ADGB: variants seen among roughly 807,000 people sequenced by gnomAD.
ADGB encodes the protein calpain-7-like protein.
Under a neutral mutation model 210.5 loss-of-function variants are expected in ADGB, and 172 were observed. The ratio of observed to expected loss-of-function variants is 0.82; its 90% CI spans 0.72 to 0.93. ADGB has a LOEUF of 0.93. Among genes scored for constraint, ADGB ranks in the 40% least tolerant of loss-of-function variants. The probability of loss-of-function intolerance (pLI) is 0.00; values close to 1 mark genes in which losing one functional copy is unlikely to be tolerated. For synonymous variants in ADGB, 658 were observed against 662.7 expected (o/e 0.99, Z 0.11); for missense variants, 2,025 against 1,964.8 (o/e 1.03, Z -0.58).
chr6:146,728,676 G>A lies in ADGB; in HGVS notation c.2455G>A (p.Asp819Asn). ...GGGTAAACTCTCTGCAGCTTTGAAG[G>A]ATCTGCAAACAGCTCACTACCCTGT... ...DKGKLSAALK[D>N]LQTAHYPVPF... Residue 819 changes from aspartate (D) to asparagine (N), a missense_variant, in exon 20 of 36, where the codon GAT (aspartate) becomes AAT (asparagine). Asp to Asn is a conservative substitution (Grantham distance 23, BLOSUM62 1). Transcript: ENST00000397944. 2 of 1,551,552 alleles carry A rather than the reference G, an allele frequency of 1.3e-6. No homozygotes were observed. Among genetic ancestry groups the A allele is most frequent in the Admixed American group, 2.0e-5 (1 of 51,006 alleles).
intron 27 of ADGB, among the ~76,000 whole-genome samples, chr6:146,758,826 G>A (rs1777447137): frequency 6.6e-6 from 1 of 151,876 alleles, no homozygotes; most frequent in Admixed American, 6.6e-5. Context: ...TGCATGCAAG[G>A]AAAGGCTATT....
At chr6:146,615,357 T>C (rs1296114897) in intron 1 of ADGB, among the ~76,000 whole-genome samples, 1 of 152,118 alleles carries the variant, frequency 6.6e-6, no homozygotes, top group Non-Finnish European at 1.5e-5. Context: ...GGGAATCACA[T>C]TTCAACATGA....
In ADGB at chr6:146,614,125, A is replaced by T. The variant is rs180811847; in HGVS notation, c.74+15011A>T. Among the ~76,000 whole-genome samples, 356 of 152,168 alleles carry T rather than the reference A, an allele frequency of 2.3e-3. 1 individual carries two copies. The highest frequency in any genetic ancestry group is 7.8e-3 in the African/African-American group (325 of 41,524). Reference sequence around the variant, plus strand: ...GTAACAGATATTACCGCTATCATGAAGTGATGTTTGTAATTTCCTGAAGTT... The same window carrying T: ...GTAACAGATATTACCGCTATCATGATGTGATGTTTGTAATTTCCTGAAGTT... On this transcript the variant is annotated intron_variant, in intron 1 of 35. Transcript: ENST00000397944.
chr6:146,631,963 TAAA>T (rs60684925), intron 1 of ADGB, among the ~76,000 whole-genome samples: 1 of 143,048 alleles, frequency 7.0e-6, no homozygotes. Flanking sequence ...ATCTCCTCAT[TAAA>T]AAAAAAAAAA....
At chr6:146,787,458 G>C (rs1284400311) in intron 32 of ADGB, among the ~76,000 whole-genome samples, 2 of 152,142 alleles carry the variant, frequency 1.3e-5, no homozygotes, top group African/African-American at 4.8e-5. Context: ...GCCTGGAATA[G>C]TAAGCTTCAT....
chr6:146,608,596 G>T (rs1373001147), intron 1 of ADGB, among the ~76,000 whole-genome samples: 1 of 152,120 alleles, frequency 6.6e-6, no homozygotes, highest in Non-Finnish European at 1.5e-5. Context: ...TAGTTTCAAA[G>T]AATTTCTTGG....
At chr6:146,804,326 G>A (rs147715899) in intron 35 of ADGB, among the ~76,000 whole-genome samples, 128 of 152,012 alleles carry the variant, frequency 8.4e-4, no homozygotes, top group African/African-American at 3.1e-3. Context: ...TAAATATTTT[G>A]GCTACAGTGA....
At chr6:146,745,361 G>T (rs1413180616) in intron 25 of ADGB, among the ~76,000 whole-genome samples, 2 of 152,122 alleles carry the variant, frequency 1.3e-5, no homozygotes, top group Non-Finnish European at 2.9e-5. Context: ...CCATCATAAA[G>T]TAAGCCATTC....
At chr6:146,651,619 T>C (rs1174194179) in intron 3 of ADGB, among the ~76,000 whole-genome samples, 4 of 152,174 alleles carry the variant, frequency 2.6e-5, no homozygotes, top group Non-Finnish European at 5.9e-5. Context: ...GCAGCTCTTG[T>C]TGATATCATT....
chr6:146,692,737 C>T (rs764527003), intron 11 of ADGB, 88 bp from the exon 12 acceptor site: 7 of 667,580 alleles, frequency 1.0e-5, no homozygotes, highest in Non-Finnish European at 1.8e-5. Context: ...GTTAATCTAT[C>T]CAGCACTGTA....
intron 2 of ADGB, among the ~76,000 whole-genome samples, chr6:146,644,046 A>C (rs1227255807): frequency 6.6e-6 from 1 of 151,820 alleles, no homozygotes; most frequent in Admixed American, 6.6e-5. Flanking sequence ...TTAGGGATGG[A>C]GTATGGGATG....
At chr6:146,683,098 T>C (rs986869774) in intron 9 of ADGB, among the ~76,000 whole-genome samples, 1 of 152,076 alleles carries the variant, frequency 6.6e-6, no homozygotes, top group Non-Finnish European at 1.5e-5. Flanking sequence ...TGGGATGACA[T>C]GCTTATTTGG....
intron 9 of ADGB, among the ~76,000 whole-genome samples, chr6:146,678,483 T>A (rs1776113369): frequency 2.0e-5 from 3 of 152,170 alleles, no homozygotes; most frequent in Admixed American, 6.6e-5. Context: ...CACCTTGGCC[T>A]CCCAAAGTGC....
intron 1 of ADGB, among the ~76,000 whole-genome samples, chr6:146,632,526 G>A (rs1781080321): frequency 6.6e-6 from 1 of 152,072 alleles, no homozygotes; most frequent in South Asian, 2.1e-4. Flanking sequence ...TTTGAAGTAG[G>A]GGTTGGTGGT....
Position 146,635,384 on chromosome 6 carries a change from T to C in ADGB, c.84T>C (p.Pro28=), listed in dbSNP as rs1178489051. ...CTCTGTCTCTGTCTAGTTTCTATCC[T>C]TTTGGCAGTAATGTACAATCTGGTT... is the stretch of plus-strand genomic sequence containing the variant. ...HGSDKSKDFY[P]FGSNVQSGST... is the part of the protein sequence containing the mutation. Residue 28 remains proline (P), a synonymous_variant, in exon 2 of 36, where the codon CCT becomes CCC. Transcript: ENST00000397944. 6 of 1,515,924 alleles carry C rather than the reference T, an allele frequency of 4.0e-6. No individual in the cohort carries two copies. In the African/African-American group the frequency reaches 5.6e-5, roughly 14 times the overall value. The allele number at this position is 1,515,924 out of a possible 1,614,324, so 93.9% of individuals were successfully genotyped here.
intron 9 of ADGB, among the ~76,000 whole-genome samples, chr6:146,682,648 T>A (rs377227231): frequency 6.6e-6 from 1 of 152,132 alleles, no homozygotes; most frequent in Non-Finnish European, 1.5e-5. Context: ...GCCCCTAGAT[T>A]TAAACATTTG....
At chr6:146,800,931 G>A (rs1445407756) in intron 33 of ADGB, among the ~76,000 whole-genome samples, 4 of 151,938 alleles carry the variant, frequency 2.6e-5, no homozygotes, top group South Asian at 2.1e-4. Context: ...GATTAGAATA[G>A]CATTTTTTAA....
chr6:146,722,346 T>C (rs1246953643), intron 17 of ADGB, among the ~76,000 whole-genome samples: 1 of 152,116 alleles, frequency 6.6e-6, no homozygotes, highest in East Asian at 1.9e-4. Flanking sequence ...TTCATTACTA[T>C]CTACCCTGCC....
intron 10 of ADGB, among the ~76,000 whole-genome samples, chr6:146,690,567 G>C (rs1220890619): frequency 3.9e-5 from 6 of 152,220 alleles, no homozygotes; most frequent in Admixed American, 6.5e-5. Flanking sequence ...TCTAACACTA[G>C]AATATGAGAA....
Sources: gnomAD v4.1 joint callset for allele counts (sites outside exome capture counted in the v4.1 genomes callset) on GRCh38, gnomAD v4.1.1 for gene constraint, MANE v1.5 for transcripts, NCBI Gene and HGNC (gene_info 2026-07-23, HGNC 2026-07-21) for gene names.